Variants in WDFY4 observed in about 807,000 individuals in gnomAD.
The protein encoded by WDFY4 is WD repeat- and FYVE domain-containing protein 4.
Under a neutral mutation model 351.9 loss-of-function variants are expected in WDFY4, and 169 were observed. That is an observed-to-expected ratio of 0.48 (90% CI 0.42 to 0.55). The LOEUF (loss-of-function observed/expected upper bound fraction) is 0.55. WDFY4 is among the 20% of genes least tolerant of loss of function. WDFY4 has a pLI of 0.00. For missense variants in WDFY4, 3,803 were observed against 3,935.6 expected (o/e 0.97, Z 0.90); for synonymous variants, 1,622 against 1,574.6 (o/e 1.03, Z -0.71).
chr10:48,855,541 A>G (rs2069104760), intron 39 of WDFY4, among the ~76,000 whole-genome samples: 1 of 152,108 alleles, frequency 6.6e-6, no homozygotes, highest in Admixed American at 6.5e-5. Flanking sequence ...AGACCTGTTC[A>G]CTTTCTTAAA....
intron 51 of WDFY4, among the ~76,000 whole-genome samples, chr10:48,955,402 C>T (rs1405941114): frequency 6.6e-6 from 1 of 152,198 alleles, no homozygotes; most frequent in African/African-American, 2.4e-5. Context: ...AGACCATGAC[C>T]CTCAAGATGT....
intron 56 of WDFY4, 22 bp downstream of exon 56, chr10:48,969,270 G>A (rs1372974834): frequency 4.5e-6 from 7 of 1,549,582 alleles, no homozygotes; most frequent in South Asian, 1.2e-5. Flanking sequence ...GCAGGGAGCA[G>A]GGGCAGCCTC....
At chr10:48,952,163 G>A (rs1841357434) in intron 51 of WDFY4, among the ~76,000 whole-genome samples, 1 of 152,138 alleles carries the variant, frequency 6.6e-6, no homozygotes, top group African/African-American at 2.4e-5. Context: ...TGCCAGGGAA[G>A]GCGAGGAACC....
chr10:48,904,447 G>T (rs979638290), intron 47 of WDFY4, among the ~76,000 whole-genome samples: 11 of 152,120 alleles, frequency 7.2e-5, no homozygotes, highest in African/African-American at 2.7e-4. Flanking sequence ...ACTAATTGAA[G>T]CAAAAAAGAG....
chr10:48,793,625 T>G (rs1465098120), intron 23 of WDFY4, among the ~76,000 whole-genome samples: 2 of 152,226 alleles, frequency 1.3e-5, no homozygotes, highest in Non-Finnish European at 2.9e-5. Flanking sequence ...TGCTTCCGTA[T>G]TGCCACGTTT....
intron 44 of WDFY4, 121 bp downstream of exon 44, chr10:48,890,848 G>T: frequency 1.5e-6 from 2 of 1,365,988 alleles, no homozygotes; most frequent in Non-Finnish European, 2.0e-6. Context: ...GCCTGAAACT[G>T]AGCCATGAGA....
At chr10:48,787,957 CTTCTTCTTCTTCTTCTTCTTCTT>C (rs2066531837) in intron 20 of WDFY4, among the ~76,000 whole-genome samples, 1 of 123,844 alleles carries the variant, frequency 8.1e-6, no homozygotes, top group African/African-American at 3.4e-5. Context: ...TCTTCTTCTT[CTTCTTCTTCTTCTTCTTCTTCTT>C]CTTCTCCTTC....
At chr10:48,770,162 T>A (rs942708694) in intron 13 of WDFY4, among the ~76,000 whole-genome samples, 3 of 152,216 alleles carry the variant, frequency 2.0e-5, no homozygotes, top group African/African-American at 7.2e-5. Context: ...GCAGTGATAA[T>A]GAGGACGATC....
chr10:48,748,722 C>T (rs1156365658), intron 12 of WDFY4, among the ~76,000 whole-genome samples: 2 of 152,120 alleles, frequency 1.3e-5, no homozygotes, highest in East Asian at 3.8e-4. Flanking sequence ...TGGCCCTTGA[C>T]CTTCCTTGAT....
At chr10:48,758,237 G>A (rs983201073) in intron 12 of WDFY4, among the ~76,000 whole-genome samples, 1 of 152,152 alleles carries the variant, frequency 6.6e-6, no homozygotes, top group African/African-American at 2.4e-5. Context: ...CTTTAAAAAT[G>A]TTGTTTCCAT....
In WDFY4 at chr10:48,867,357, A is replaced by T. The variant is rs987258899; in HGVS notation, c.6741+15A>T. ...ACCATGTGCAAGTAAGAAACAAAAC[A>T]TAGGCTTTCTCTATACAGCAAGCTG... On this transcript the variant is annotated intron_variant, in intron 40 of 61. Coordinates refer to ENST00000325239, the MANE Select transcript of WDFY4 (RefSeq NM_001394531.1). 2 of 1,461,210 alleles carry T rather than the reference A, an allele frequency of 1.4e-6. No individual in the cohort carries two copies. Among genetic ancestry groups the T allele is most frequent in the African/African-American group, 1.4e-5 (1 of 69,642 alleles). The allele number at this position is 1,461,210 out of a possible 1,614,324, so 90.5% of individuals were successfully genotyped here.
intron 47 of WDFY4, among the ~76,000 whole-genome samples, chr10:48,928,416 G>A (rs1238459014): frequency 6.7e-6 from 1 of 150,054 alleles, no homozygotes; most frequent in African/African-American, 2.4e-5. Context: ...GTTGGCACAG[G>A]AGGCAGCAGC....
chr10:48,854,603 A>T (rs1329053938), intron 39 of WDFY4, among the ~76,000 whole-genome samples: 2 of 152,222 alleles, frequency 1.3e-5, no homozygotes, highest in African/African-American at 4.8e-5. Flanking sequence ...AAGTTTCAGA[A>T]AGATTGAGTG....
chr10:48,784,530 CTTTTTTTTTTTTTTTTTT>C (rs71465479), intron 19 of WDFY4, among the ~76,000 whole-genome samples: 2 of 26,874 alleles, frequency 7.4e-5, no homozygotes, highest in African/African-American at 3.0e-4. Flanking sequence ...GCATTGTTTG[CTTTTTTTTTTTTTTTTTT>C]TTTTTTTTTT....
At chr10:48,713,208 T>C (rs1340374025) in intron 2 of WDFY4, among the ~76,000 whole-genome samples, 1 of 152,134 alleles carries the variant, frequency 6.6e-6, no homozygotes, top group Non-Finnish European at 1.5e-5. Context: ...GTGAATCAGG[T>C]TGACAGCTGT....
At chr10:48,787,893 C>CCTTCTTCTTCTTCTTCTTCTT in intron 20 of WDFY4, among the ~76,000 whole-genome samples, 1 of 48,144 alleles carries the variant, frequency 2.1e-5, no homozygotes. Context: ...TTCTTCTTCT[C>CCTTCTTCTTCTTCTTCTTCTT]CTTCTTCTTC....
At position 48,982,561 on chromosome 10, in the gene WDFY4, T is replaced by A; in HGVS notation, c.9541T>A (p.Ser3181Thr). Residue 3181 changes from serine (S) to threonine (T), a missense_variant, in exon 62 of 62, where the codon TCT becomes ACT. Transcript: ENST00000325239. ...TGAGAGGGGGAGAATATTCTGCTGG[T>A]CTGCAGATGGGTAGGAAGAGAGAGG... Reference protein sequence around the residue: ...GDERGRIFCWSADG With the variant: ...GDERGRIFCWTADG 6.5e-7 allele frequency: 1 copy of A among 1,547,326 alleles called. No homozygotes were observed. Among genetic ancestry groups the A allele is most frequent in the Non-Finnish European group, 8.7e-7 (1 of 1,144,320 alleles).
At chr10:48,734,212 T>C (rs963817192) in intron 10 of WDFY4, among the ~76,000 whole-genome samples, 177 bp downstream of exon 10, 1 of 152,234 alleles carries the variant, frequency 6.6e-6, no homozygotes, top group African/African-American at 2.4e-5. Context: ...TCGTAGATAC[T>C]ATACCTCTGT....
intron 35 of WDFY4, 114 bp downstream of exon 35, chr10:48,822,651 A>G (rs981524399): frequency 1.5e-6 from 2 of 1,296,448 alleles, no homozygotes; most frequent in Non-Finnish European, 2.0e-6. Context: ...AATCTGAGCC[A>G]GGTGGGAGGA....
Sources: allele counts gnomAD v4.1 joint callset (sites outside exome capture counted in the v4.1 genomes callset), GRCh38; gene constraint gnomAD v4.1.1; transcripts MANE v1.5; gene names NCBI Gene and HGNC (gene_info 2026-07-23, HGNC 2026-07-21).